The following NFASC variants were observed in gnomAD, a reference collection of about 807,000 sequenced individuals.
The protein encoded by NFASC is neurofascin homolog.
In NFASC, 43 loss-of-function variants were observed where a neutral mutation model predicts 147.5. The ratio of observed to expected loss-of-function variants is 0.29; its 90% CI spans 0.23 to 0.38. NFASC has a LOEUF of 0.38. Ranked by LOEUF, NFASC falls within the 10% of genes least tolerant of loss-of-function variation. The pLI, the probability that NFASC is intolerant of heterozygous loss-of-function variation, is 1.00. For synonymous variants in NFASC, 622 were observed against 665.5 expected, an observed-to-expected ratio of 0.93 and a Z score of 1.01; for missense variants, 1,320 against 1,689.0, an observed-to-expected ratio of 0.78 and a Z score of 3.83.
In NFASC at chr1:204,982,041, C is replaced by A. The variant is rs757826070; in HGVS notation, c.2470+21C>A. 25 of 1,474,034 alleles carry A rather than the reference C, an allele frequency of 1.7e-5. No homozygotes were observed. The Middle Eastern group carries it at 2.0e-3, about 115-fold the overall frequency. 91.3% of individuals were successfully genotyped at this position (1,474,034 alleles called of 1,614,324 possible). A position where few individuals can be genotyped will look rare whatever the true frequency, so the allele number is the denominator to read the frequency against. On this transcript the variant is annotated intron_variant, in intron 21 of 29. Coordinates refer to ENST00000339876, the MANE Select transcript of NFASC (RefSeq NM_001005388.3). ...AGATTGTGAGTAGTCTCCTCCCCGT[C>A]CCCCCATCAGGACCCTTGTGGCTAG...
rs562087293 is a variant in NFASC, at chr1:204,985,091, T to C, written c.2471-2327T>C. Among the ~76,000 whole-genome samples, 372 of 152,102 alleles carry C rather than the reference T, an allele frequency of 2.4e-3. 4 individuals are homozygous for C. The highest frequency in any genetic ancestry group is 2.4e-3 in the Non-Finnish European group (164 of 68,036). ...CCTTAACCTACTTGCTTAGAGATTT[T>C]TCTGGCTAAAGCTTCCCCATGGGTC... On this transcript the variant is annotated intron_variant, in intron 21 of 29. Coordinates refer to ENST00000339876, the MANE Select transcript of NFASC (RefSeq NM_001005388.3).
Position 205,015,518 on chromosome 1 carries a change from C to T in NFASC, c.3492-790C>T, listed in dbSNP as rs1277749680. Among the ~76,000 whole-genome samples, 1 of 152,264 alleles carries T rather than the reference C, an allele frequency of 6.6e-6. No homozygotes were observed. The highest frequency in any genetic ancestry group is 3.4e-3 in the Middle Eastern group (1 of 294). ...CCAACTGGGTGGCTGTTCCCAGCGG[C>T]CCGTGCAGCTTTACTCGGCAGCCTC... On this transcript the variant is annotated intron_variant, in intron 29 of 29. Coordinates refer to ENST00000339876, the MANE Select transcript of NFASC (RefSeq NM_001005388.3). The surrounding 1 kb of genome is among the most constrained non-coding windows in gnomAD (Gnocchi z 4.0).
chr1:204,885,013 G>A (rs1572489957), intron 1 of NFASC, among the ~76,000 whole-genome samples: 1 of 152,268 alleles, frequency 6.6e-6, no homozygotes. Flanking sequence ...TATAATCCCA[G>A]TACTTTAAGA....
At chr1:204,977,827 T>C in intron 17 of NFASC, 102 bp downstream of exon 17, 1 of 1,094,620 alleles carries the variant, frequency 9.1e-7, no homozygotes, top group Non-Finnish European at 1.3e-6. Flanking sequence ...CGACAGTGTG[T>C]AGGTTTGTGG....
intron 1 of NFASC, among the ~76,000 whole-genome samples, chr1:204,886,397 G>T (rs2081323019): frequency 6.6e-6 from 1 of 152,130 alleles, no homozygotes; most frequent in Non-Finnish European, 1.5e-5. Flanking sequence ...TTGCTAATGT[G>T]TTTTTATGTG....
At chr1:204,870,031 T>C (rs1011566640) in intron 1 of NFASC, among the ~76,000 whole-genome samples, 5 of 152,214 alleles carry the variant, frequency 3.3e-5, no homozygotes, top group Non-Finnish European at 7.3e-5. Flanking sequence ...GGGAATGCTG[T>C]TATCAGGGGA....
intron 1 of NFASC, among the ~76,000 whole-genome samples, chr1:204,914,492 C>A (rs1256159872): frequency 6.6e-6 from 1 of 152,186 alleles, no homozygotes; most frequent in Non-Finnish European, 1.5e-5. Context: ...CAAGGCCTCC[C>A]CAGCCATGCT....
At chr1:204,998,919 G>A (rs2095910516) in intron 25 of NFASC, 1 of 152,236 alleles carries the variant, frequency 6.6e-6, no homozygotes, top group Non-Finnish European at 1.5e-5. Context: ...CGCTGCAGAG[G>A]ACCTGGCCAT....
chr1:204,919,897 G>A (rs926397300), intron 1 of NFASC, among the ~76,000 whole-genome samples: 2 of 152,214 alleles, frequency 1.3e-5, no homozygotes, highest in South Asian at 2.1e-4. Context: ...GGGATTACAG[G>A]TGTGACCCAA....
chr1:204,832,562 C>G (rs1672542974), intron 1 of NFASC, among the ~76,000 whole-genome samples: 1 of 152,148 alleles, frequency 6.6e-6, no homozygotes, highest in South Asian at 2.1e-4. Flanking sequence ...CCGCAAATAT[C>G]CATAGCCGAA....
intron 3 of NFASC, chr1:204,944,628 T>C (rs780221994): frequency 3.9e-6 from 2 of 518,438 alleles, no homozygotes; most frequent in Non-Finnish European, 6.7e-6. Context: ...CTCAGGGCTG[T>C]GGCTGAGCTG....
intron 13 of NFASC, 175 bp from the exon 14 acceptor site, chr1:204,974,482 G>A (rs987592993): frequency 1.1e-6 from 1 of 872,360 alleles, no homozygotes; most frequent in Non-Finnish European, 1.9e-6. Context: ...GAGAGGGATG[G>A]AGGCTTGCCA....
intron 1 of NFASC, among the ~76,000 whole-genome samples, chr1:204,866,395 A>C (rs2077111330): frequency 1.3e-5 from 2 of 152,178 alleles, no homozygotes; most frequent in Non-Finnish European, 2.9e-5. Flanking sequence ...TTTTGGAGCT[A>C]TGCCGAGCCC....
intron 1 of NFASC, among the ~76,000 whole-genome samples, chr1:204,915,956 G>C (rs549189263): frequency 6.6e-6 from 1 of 152,294 alleles, no homozygotes; most frequent in South Asian, 2.1e-4. Context: ...AGAAGTGTTG[G>C]AGCTGGTTAG....
At chr1:204,912,665 T>C (rs2087899686) in intron 1 of NFASC, among the ~76,000 whole-genome samples, 1 of 151,908 alleles carries the variant, frequency 6.6e-6, no homozygotes, top group Non-Finnish European at 1.5e-5. Context: ...TTCACACCAC[T>C]GCACTCCAGC....
chr1:204,909,944 T>G (rs2086950654), intron 1 of NFASC, among the ~76,000 whole-genome samples: 1 of 152,138 alleles, frequency 6.6e-6, no homozygotes, highest in African/African-American at 2.4e-5. Flanking sequence ...TTGATCTATG[T>G]GTCTCTTCCT....
chr1:204,905,183 C>G (rs12029850), intron 1 of NFASC, among the ~76,000 whole-genome samples: 24,043 of 152,120 alleles, frequency 0.16, 2,169 homozygotes, highest in African/African-American at 0.22. Context: ...CTCCTGGGCT[C>G]GAGTCATCCT....
At position 204,968,965 on chromosome 1, in the gene NFASC, T is replaced by G; in HGVS notation, c.986T>G (p.Ile329Ser). ...AAGATGGGCAGCATCCGGCACACGA[T>G]CTCGGTGAGAGTAAAGGGTACGTTG... ...SNKMGSIRHTISVRVKAAPYW... is the reference protein window; with the variant it reads ...SNKMGSIRHTSSVRVKAAPYW... Residue 329 changes from isoleucine to serine, a missense_variant, in exon 10 of 30, where the codon ATC (isoleucine) becomes AGC (serine). Physicochemically the swap from Ile to Ser is moderately radical, Grantham distance 142 (BLOSUM62 -2). Coordinates refer to ENST00000339876, the MANE Select transcript of NFASC (RefSeq NM_001005388.3). The surrounding 1 kb of genome is among the most constrained non-coding windows in gnomAD (Gnocchi z 5.4). The G allele has an allele frequency of 6.2e-7, 1 of 1,613,860 alleles. No homozygotes were observed. Among genetic ancestry groups the G allele is most frequent in the Non-Finnish European group, 8.5e-7 (1 of 1,179,894 alleles).
intron 1 of NFASC, among the ~76,000 whole-genome samples, chr1:204,904,991 CTTATGA>C (rs1453842656): frequency 6.6e-6 from 1 of 152,212 alleles, no homozygotes; most frequent in Admixed American, 6.5e-5. Flanking sequence ...AATGTCTAAT[CTTATGA>C]TTCCCTCGCC....
Sources: allele counts gnomAD v4.1 joint callset (sites outside exome capture counted in the v4.1 genomes callset), GRCh38; gene constraint gnomAD v4.1.1; non-coding constraint Gnocchi (gnomAD v3.1); transcripts MANE v1.5; gene names NCBI Gene and HGNC (gene_info 2026-07-23, HGNC 2026-07-21).